Variants in CYP2A7 observed in about 807,000 individuals in gnomAD.
CYP2A7 encodes the protein cytochrome P450 2A7.
Under a neutral mutation model 42.0 loss-of-function variants are expected in CYP2A7, and 36 were observed. The ratio of observed to expected loss-of-function variants is 0.86; its 90% confidence interval spans 0.66 to 1.13. The LOEUF (loss-of-function observed/expected upper bound fraction) is 1.13, where lower values mean the gene tolerates loss of function less well. Ranked by LOEUF, CYP2A7 falls within the 50% of genes most tolerant of loss-of-function variation. The pLI is 0.00. For synonymous variants in CYP2A7, 260 were observed against 249.5 expected (o/e 1.04, Z -0.40); for missense variants, 661 against 634.1 (o/e 1.04, Z -0.46).
rs543279808 is a variant in CYP2A7 at position 40,877,485 on chromosome 19, G to C, written c.974-108C>G. The C allele has an allele frequency of 4.1e-5, 61 of 1,484,374 alleles. No individual in the cohort carries two copies. The East Asian group carries it at 1.4e-3, about 34-fold the overall frequency. The allele number at this position is 1,484,374 out of a possible 1,614,324, so 92.0% of individuals were successfully genotyped here. On this transcript the variant is annotated intron_variant, in intron 6 of 8. Coordinates refer to ENST00000301146, the MANE Select transcript of CYP2A7 (RefSeq NM_000764.3). The stretch of plus-strand genomic sequence containing the variant: ...ATGATACGGCTCCCCCTATGAGACG[G>C]AGGTAGAGCATTCATAACAGAACAG...
At chr19:40,879,714 T>A (rs1445879905) in intron 4 of CYP2A7, among the ~76,000 whole-genome samples, 1 of 151,494 alleles carries the variant, frequency 6.6e-6, no homozygotes, top group African/African-American at 2.4e-5. Flanking sequence ...CAGCACCAGG[T>A]GTTCAGGCAT....
At position 40,877,303 on chromosome 19, in the gene CYP2A7, G is replaced by T; in HGVS notation, c.1048C>A (p.Pro350Thr). 6.2e-7 allele frequency: 1 copy of T among 1,612,832 alleles called. No individual in the cohort carries two copies. ...TCGTGGATCACTGCCTCCATGTAGG[G>T]CATCTTGGTCCGGTCCTCAAACTTG... ...QPKFEDRTKM[P>T]YMEAVIHEIQ... is the part of the protein sequence containing the mutation. The change falls in exon 7 of 9, where the codon CCC (proline) becomes ACC (threonine). Residue 350 changes from proline (P) to threonine (T), a missense_variant. Pro to Thr is a conservative substitution (Grantham distance 38). Transcript: ENST00000301146.
chr19:40,878,240 T>A (rs1304559073), intron 5 of CYP2A7, among the ~76,000 whole-genome samples: 1 of 151,270 alleles, frequency 6.6e-6, no homozygotes, highest in African/African-American at 2.4e-5. Flanking sequence ...AGCTGTCAGT[T>A]TTTTTTTTCT....
intron 2 of CYP2A7, 54 bp downstream of exon 2, chr19:40,881,535 A>G (rs1173871280): frequency 2.5e-6 from 4 of 1,607,092 alleles, no homozygotes; most frequent in Admixed American, 1.7e-5. Flanking sequence ...GGCTGGCAAC[A>G]CTGAGACCAT....
chr19:40,877,810 G>A (rs753774669), intron 6 of CYP2A7, 42 bp downstream of exon 6: 3 of 1,570,108 alleles, frequency 1.9e-6, no homozygotes, highest in Non-Finnish European at 2.6e-6. Context: ...GGGGAATTTT[G>A]AGGGTCTGGG....
Position 40,876,590 on chromosome 19 carries a change from G to T in CYP2A7, c.1240C>A (p.Gln414Lys). ...TGCCCCTTGTCATCCAGGAAATGCT[G>T]GGGATTGAAGTCCTGAGGGTTGGAG... ...FFSNPQDFNP[Q>K]HFLDDKGQFK... The change falls in exon 8 of 9, where the codon CAG becomes AAG. Residue 414 changes from glutamine (Q) to lysine (K), a missense_variant. Around this residue, in one of 3 missense-constraint regions of CYP2A7, gnomAD observed 614 missense variants for 552.4 expected, o/e 1.11. Coordinates refer to ENST00000301146, the MANE Select transcript of CYP2A7 (RefSeq NM_000764.3). 1 of 1,613,094 alleles carries T rather than the reference G, an allele frequency of 6.2e-7. No homozygotes were observed. The highest frequency in any genetic ancestry group is 8.5e-7 in the Non-Finnish European group (1 of 1,179,316).
chr19:40,875,712 A>G lies in CYP2A7; in HGVS notation c.1466T>C (p.Met489Thr), dbSNP rs775970971. Reference protein sequence around the residue: ...VFATIPRNYTMSFLPR With the variant: ...VFATIPRNYTTSFLPR The stretch of plus-strand genomic sequence containing the variant: ...CCTCGCTCAGCGGGGCAGGAAGCTC[A>G]TGGTGTAGTTTCGTGGGATCGTGGC... Residue 489 changes from methionine to threonine, a missense_variant, in exon 9 of 9, where the codon ATG becomes ACG. By Grantham distance (81) the Met-to-Thr change is moderately conservative. Around this residue, in one of 3 missense-constraint regions of CYP2A7, gnomAD observed 22 missense variants for 19.3 expected, o/e 1.14. Transcript: ENST00000301146. 3.7e-6 allele frequency: 6 copies of G among 1,608,856 alleles called. No homozygotes were observed. Among genetic ancestry groups the G allele is most frequent in the African/African-American group, 2.7e-5 (2 of 74,606 alleles).
chr19:40,878,738 C>T lies in CYP2A7; in HGVS notation c.831+22G>A, dbSNP rs780551745. 46 of 1,609,980 alleles carry T rather than the reference C, an allele frequency of 2.9e-5. 1 individual carries two copies. Among genetic ancestry groups the T allele is most frequent in the African/African-American group, 8.0e-5 (6 of 74,878 alleles). On this transcript the variant is annotated intron_variant, in intron 5 of 8. Coordinates refer to ENST00000301146, the MANE Select transcript of CYP2A7 (RefSeq NM_000764.3). ...CCCTCTGCCTGGCTTTGCACCTCCC[C>T]GCACTGGCTGCTGGGGTGTACCTCC... is the stretch of plus-strand genomic sequence containing the variant.
chr19:40,876,480 G>C (rs774910012), intron 8 of CYP2A7, 47 bp downstream of exon 8: 50 of 1,611,450 alleles, frequency 3.1e-5, no homozygotes, highest in Middle Eastern at 3.3e-4. Flanking sequence ...TGAGGGAGGC[G>C]CCTGCTGGTG....
chr19:40,881,061 C>T (rs28475084), intron 2 of CYP2A7, among the ~76,000 whole-genome samples: 1 of 150,686 alleles, frequency 6.6e-6, no homozygotes, highest in South Asian at 2.1e-4. Flanking sequence ...AATGGTGAAA[C>T]ATTCTTAAGC....
chr19:40,879,019 A>G (rs1356365571), intron 4 of CYP2A7, 83 bp from the exon 5 acceptor site: 34 of 1,514,272 alleles, frequency 2.2e-5, no homozygotes, highest in African/African-American at 2.2e-4. Context: ...GTTTCATAGC[A>G]AGGAAGGAAC....
intron 1 of CYP2A7, 73 bp from the exon 2 acceptor site, chr19:40,881,824 A>T (rs1164695109): frequency 3.4e-5 from 54 of 1,582,756 alleles, no homozygotes; most frequent in Admixed American, 3.4e-4. Context: ...CGAGATGTCA[A>T]GTACTGGGAT....
chr19:40,877,463 A>G (rs1967562680), intron 6 of CYP2A7, 86 bp from the exon 7 acceptor site: 3 of 1,557,230 alleles, frequency 1.9e-6, no homozygotes, highest in Non-Finnish European at 2.6e-6. Flanking sequence ...GGGGTGGATG[A>G]TACGGCTCCC....
Position 40,880,533 on chromosome 19 carries a change from C to A in CYP2A7, c.439G>T (p.Glu147Ter), listed in dbSNP as rs531779575. ...DFGVGKRGIE[E>*]RIQEESGFLI... is the part of the protein sequence containing the mutation. ...AAGCCCGACTCCTCCTGGATGCGCTCCTCGATGCCTCGCTTGCCCACCCCG... is the reference window on the plus strand; with the variant it reads ...AAGCCCGACTCCTCCTGGATGCGCTACTCGATGCCTCGCTTGCCCACCCCG... The change falls in exon 3 of 9, where the codon GAG becomes TAG. Residue 147 changes from glutamate (E) to a stop codon, truncating the protein, a stop_gained. Coordinates refer to ENST00000301146, the MANE Select transcript of CYP2A7 (RefSeq NM_000764.3). LOFTEE classifies it high-confidence loss of function. 22 of 1,612,066 alleles carry A rather than the reference C, an allele frequency of 1.4e-5. No homozygotes were observed. In the African/African-American group the frequency reaches 2.9e-4, roughly 22 times the overall value.
At chr19:40,878,991 C>G in intron 4 of CYP2A7, 55 bp from the exon 5 acceptor site, 1 of 1,556,488 alleles carries the variant, frequency 6.4e-7, no homozygotes. Context: ...GGGGCAGGAG[C>G]TGATGGGAAT....
At position 40,881,718 on chromosome 19, in the gene CYP2A7, G is replaced by T. The variant is rs1332608959; in HGVS notation, c.214C>A (p.His72Asn). 1.9e-6 allele frequency: 3 copies of T among 1,607,780 alleles called. No individual in the cohort carries two copies. Among genetic ancestry groups the T allele is most frequent in the African/African-American group, 1.3e-5 (1 of 74,806 alleles). ...ACCACGACCCGCCGGGGCCCCAAGT[G>T]AATGGTGAACACGGGGCCATAGCAC... ...SECYGPVFTI[H>N]LGPRRVVVLC... The change falls in exon 2 of 9, where the codon CAC becomes AAC. Residue 72 changes from histidine (H) to asparagine (N), a missense_variant. By Grantham distance (68) the His-to-Asn change is moderately conservative. Transcript: ENST00000301146.
chr19:40,880,798 GGAGAGAGAGAGAGAGAGAGAGAGAGA>G (rs1171374070), intron 2 of CYP2A7, among the ~76,000 whole-genome samples, 170 bp from the exon 3 acceptor site: 5 of 27,444 alleles, frequency 1.8e-4, no homozygotes, highest in South Asian at 2.3e-3. Flanking sequence ...GAAACACGAG[GGAGAGAGAGAGAGAGAGAGAGAGAGA>G]GAGAGAGAGA....
At position 40,880,702 on chromosome 19, in the gene CYP2A7, T is replaced by G. The variant is rs536614737; in HGVS notation, c.344-74A>C. The stretch of plus-strand genomic sequence containing the variant: ...CAGGAGCGGACCAGTTCCAAGGGGC[T>G]CCCCAAGGGTGGAGCAGAGGGGTAG... On this transcript the variant is annotated intron_variant, in intron 2 of 8. Coordinates refer to ENST00000301146, the MANE Select transcript of CYP2A7 (RefSeq NM_000764.3). 26 of 1,512,856 alleles carry G rather than the reference T, an allele frequency of 1.7e-5. 6 individuals are homozygous for G. In the South Asian group the frequency reaches 3.0e-4, roughly 18 times the overall value. 93.7% of individuals were successfully genotyped at this position (1,512,856 alleles called of 1,614,324 possible). A position where few individuals can be genotyped will look rare whatever the true frequency, so the allele number is the denominator to read the frequency against.
rs946004256 is a variant in CYP2A7 at position 40,878,089 on chromosome 19, C to G, written c.832-96G>C. The stretch of plus-strand genomic sequence containing the variant: ...TGGATCTACCTCTCTTTGGTCCAGA[C>G]CAAAGGTGGAAAGAGGGACCCTAGA... On this transcript the variant is annotated intron_variant, in intron 5 of 8. Coordinates refer to ENST00000301146, the MANE Select transcript of CYP2A7 (RefSeq NM_000764.3). The G allele has an allele frequency of 4.6e-5, 64 of 1,394,628 alleles. 1 individual carries two copies. The highest frequency in any genetic ancestry group is 6.0e-5 in the Non-Finnish European group (62 of 1,029,100). 86.4% of individuals were successfully genotyped at this position (1,394,628 alleles called of 1,614,324 possible).
Sources: allele counts gnomAD v4.1 joint callset (sites outside exome capture counted in the v4.1 genomes callset), GRCh38; gene constraint gnomAD v4.1.1; regional missense constraint gnomAD v4.1.1; transcripts MANE v1.5; gene names NCBI Gene and HGNC (gene_info 2026-07-23, HGNC 2026-07-21).